CDH12: variants seen among roughly 807,000 people sequenced by gnomAD.
The protein encoded by CDH12 is cadherin-12.
A neutral mutation model predicts 74.1 loss-of-function variants in CDH12; 41 were observed. That is an observed-to-expected ratio of 0.55 (90% CI 0.43 to 0.72). The LOEUF (loss-of-function observed/expected upper bound fraction) is 0.72. Among genes scored for constraint, CDH12 ranks in the 30% least tolerant of loss-of-function variants. The probability of loss-of-function intolerance (pLI) is 0.00; values close to 1 mark genes in which losing one functional copy is unlikely to be tolerated. For synonymous variants in CDH12, 399 were observed against 355.0 expected, an observed-to-expected ratio of 1.12 and a Z score of -1.39; for missense variants, 945 against 977.2, an observed-to-expected ratio of 0.97 and a Z score of 0.44.
chr5:22,191,131 A>G (rs1471911844), intron 4 of CDH12, among the ~76,000 whole-genome samples: 1 of 151,922 alleles, frequency 6.6e-6, no homozygotes, highest in African/African-American at 2.4e-5. Context: ...ATAAACCAAC[A>G]TCCCAAGTGT....
chr5:22,073,315 C>A (rs555334911), intron 5 of CDH12, among the ~76,000 whole-genome samples: 1 of 152,262 alleles, frequency 6.6e-6, no homozygotes, highest in African/African-American at 2.4e-5. Context: ...AATGACAACT[C>A]AATTTCCTAA....
intron 1 of CDH12, among the ~76,000 whole-genome samples, chr5:22,787,579 ATTTATTTTTAATAATGT>A (rs1276410368): frequency 6.6e-6 from 1 of 152,038 alleles, no homozygotes; most frequent in African/African-American, 2.4e-5. Flanking sequence ...GTTTTAAAAT[ATTTATTTTTAATAATGT>A]TTTATTTTTA....
At chr5:22,534,243 T>C (rs997681765) in intron 1 of CDH12, among the ~76,000 whole-genome samples, 1 of 152,014 alleles carries the variant, frequency 6.6e-6, no homozygotes, top group Non-Finnish European at 1.5e-5. Flanking sequence ...ACAGGTGGTG[T>C]TTGGTTACAT....
At chr5:22,168,439 T>A (rs115373775) in intron 4 of CDH12, among the ~76,000 whole-genome samples, 2,680 of 152,184 alleles carry the variant, frequency 0.018, 22 homozygotes, top group Middle Eastern at 0.044. Context: ...TTGTCAGAAA[T>A]CTTCGACGGA....
chr5:22,494,478 A>G (rs1747021956), intron 2 of CDH12, among the ~76,000 whole-genome samples: 1 of 152,224 alleles, frequency 6.6e-6, no homozygotes, highest in Non-Finnish European at 1.5e-5. Flanking sequence ...ACATTTATTC[A>G]TCTCTCTTAA....
intron 6 of CDH12, among the ~76,000 whole-genome samples, chr5:21,963,118 GAT>G (rs3064854): frequency 6.6e-6 from 1 of 151,656 alleles, no homozygotes; most frequent in Admixed American, 6.6e-5. Flanking sequence ...TAGATAGATA[GAT>G]AGATAGAGAG....
At chr5:22,428,858 T>G (rs1744051845) in intron 2 of CDH12, among the ~76,000 whole-genome samples, 1 of 152,136 alleles carries the variant, frequency 6.6e-6, no homozygotes. Context: ...ACAGCCTGCC[T>G]TTAGGGATAT....
intron 6 of CDH12, among the ~76,000 whole-genome samples, chr5:21,952,058 A>G (rs1755886947): frequency 6.6e-6 from 1 of 152,178 alleles, no homozygotes; most frequent in Non-Finnish European, 1.5e-5. Flanking sequence ...CTGTATCTTC[A>G]GGCAGTTTAT....
At chr5:22,795,544 A>T (rs1045445363) in intron 1 of CDH12, among the ~76,000 whole-genome samples, 2 of 151,586 alleles carry the variant, frequency 1.3e-5, no homozygotes, top group East Asian at 3.9e-4. Flanking sequence ...ACTTATATAC[A>T]TACATATAAT....
intron 4 of CDH12, among the ~76,000 whole-genome samples, chr5:22,079,433 A>G (rs1046360720): frequency 2.0e-5 from 3 of 152,222 alleles, no homozygotes; most frequent in African/African-American, 7.2e-5. Context: ...ACAATTTTTA[A>G]AAAGCAAAAA....
At chr5:21,870,246 G>A (rs1052494826) in intron 6 of CDH12, among the ~76,000 whole-genome samples, 1 of 151,922 alleles carries the variant, frequency 6.6e-6, no homozygotes, top group African/African-American at 2.4e-5. Flanking sequence ...CGTGAAAATG[G>A]TCTAATACAC....
At chr5:22,146,370 C>T (rs1250065568) in intron 4 of CDH12, among the ~76,000 whole-genome samples, 1 of 151,980 alleles carries the variant, frequency 6.6e-6, no homozygotes, top group East Asian at 1.9e-4. Flanking sequence ...TTTTATGTTC[C>T]TCCTTGTATC....
At chr5:22,181,498 C>T (rs2150337998) in intron 4 of CDH12, among the ~76,000 whole-genome samples, 1 of 152,242 alleles carries the variant, frequency 6.6e-6, no homozygotes, top group South Asian at 2.1e-4. Flanking sequence ...TACATAAGCA[C>T]ATTTATGTCT....
chr5:21,994,187 T>C (rs1417585911), intron 5 of CDH12, among the ~76,000 whole-genome samples: 1 of 151,392 alleles, frequency 6.6e-6, no homozygotes, highest in Non-Finnish European at 1.5e-5. Flanking sequence ...GAAAAAAGAG[T>C]AGTTGCTTCA....
At chr5:22,147,220 C>T (rs1747244459) in intron 4 of CDH12, among the ~76,000 whole-genome samples, 3 of 152,138 alleles carry the variant, frequency 2.0e-5, no homozygotes. Flanking sequence ...TGAACTAATG[C>T]CATTTGATCA....
intron 2 of CDH12, among the ~76,000 whole-genome samples, chr5:22,487,802 C>T (rs1300754323): frequency 1.3e-5 from 2 of 152,166 alleles, no homozygotes; most frequent in Non-Finnish European, 1.5e-5. Flanking sequence ...ACCAACAGCT[C>T]ACATTAACAT....
rs73055954 is a variant in CDH12 at position 22,341,717 on chromosome 5, A to T, written c.-333+63540T>A. ...TTTAGTCATGCAGCTCTTACCCTTC[A>T]TTATATCAAATATTTTGTATAAGAT... On this transcript the variant is annotated intron_variant, in intron 3 of 14. Transcript: ENST00000382254. 8.5e-3 allele frequency among the ~76,000 whole-genome samples: 1,295 copies of T among 152,234 alleles called. 10 individuals carry two copies. The highest frequency in any genetic ancestry group is 0.029 in the African/African-American group (1,221 of 41,548).
intron 2 of CDH12, among the ~76,000 whole-genome samples, chr5:22,415,023 G>C (rs1488410092): frequency 6.6e-6 from 1 of 152,018 alleles, no homozygotes; most frequent in South Asian, 2.1e-4. Flanking sequence ...CTCACATATA[G>C]GGTGGATACA....
At chr5:22,101,402 GTTTTTC>G (rs945638788) in intron 4 of CDH12, among the ~76,000 whole-genome samples, 4 of 152,146 alleles carry the variant, frequency 2.6e-5, no homozygotes, top group African/African-American at 7.2e-5. Flanking sequence ...GAACACAACT[GTTTTTC>G]TTCTTCTTCT....
Sources: gnomAD v4.1 joint callset for allele counts (sites outside exome capture counted in the v4.1 genomes callset) on GRCh38, gnomAD v4.1.1 for gene constraint, MANE v1.5 for transcripts, NCBI Gene and HGNC (gene_info 2026-07-23, HGNC 2026-07-21) for gene names.